The following ERC1 variants were observed in gnomAD, a reference collection of about 807,000 sequenced individuals.
The protein encoded by ERC1 is RAB6 interacting protein 2.
A neutral mutation model predicts 132.0 loss-of-function variants in ERC1; 56 were observed. The ratio of observed to expected loss-of-function variants is 0.42; its 90% CI spans 0.34 to 0.53. The LOEUF (loss-of-function observed/expected upper bound fraction) is 0.53. Among genes scored for constraint, ERC1 ranks in the 20% least tolerant of loss-of-function variants. The pLI, the probability that ERC1 is intolerant of heterozygous loss-of-function variation, is 0.03. For missense variants in ERC1, 1,202 were observed against 1,349.9 expected (o/e 0.89, Z 1.72); for synonymous variants, 478 against 476.1 (o/e 1.00, Z -0.05).
chr12:1,222,475 A>C (rs757032242), intron 12 of ERC1, among the ~76,000 whole-genome samples: 6 of 152,082 alleles, frequency 3.9e-5, no homozygotes, highest in Non-Finnish European at 7.4e-5. Context: ...TTGTCCCCCC[A>C]AAGTGCTGGG....
intron 14 of ERC1, among the ~76,000 whole-genome samples, chr12:1,287,654 C>G (rs1487659676): frequency 2.6e-5 from 4 of 152,148 alleles, no homozygotes; most frequent in Non-Finnish European, 4.4e-5. Flanking sequence ...CAGACTGAAA[C>G]CCTGGCTCTT....
At chr12:1,314,171 T>C (rs1464911040) in intron 15 of ERC1, among the ~76,000 whole-genome samples, 1 of 152,160 alleles carries the variant, frequency 6.6e-6, no homozygotes, top group Non-Finnish European at 1.5e-5. Context: ...ATTCATTTAC[T>C]ATAAAGCCTT....
At chr12:1,177,382 A>G (rs1953855864) in intron 8 of ERC1, among the ~76,000 whole-genome samples, 1 of 152,186 alleles carries the variant, frequency 6.6e-6, no homozygotes, top group Non-Finnish European at 1.5e-5. Flanking sequence ...TGCATGTAGC[A>G]TTTGACTTAA....
At chr12:1,189,279 C>T (rs188491605) in intron 11 of ERC1, among the ~76,000 whole-genome samples, 1 of 152,156 alleles carries the variant, frequency 6.6e-6, no homozygotes, top group Non-Finnish European at 1.5e-5. Flanking sequence ...TTCTCTAATC[C>T]TTGCATGAGG....
rs2088084521 is a variant in ERC1 at position 1,377,467 on chromosome 12, CATG to C, written c.2925+5493_2925+5495del. Reference sequence around the variant, plus strand: ...CCATCCCTATTAGAATGCCAGTTACCATGATAACACGATTCAATGCTCTGTCCA... The same window carrying C: ...CCATCCCTATTAGAATGCCAGTTACCATAACACGATTCAATGCTCTGTCCA... On this transcript the variant is annotated intron_variant, in intron 16 of 18. Coordinates refer to ENST00000360905, the MANE Select transcript of ERC1 (RefSeq NM_178040.4). 7.9e-5 allele frequency among the ~76,000 whole-genome samples: 12 copies of C among 152,320 alleles called. 1 individual carries two copies. In the South Asian group the frequency reaches 2.5e-3, roughly 32 times the overall value.
chr12:1,440,249 G>A (rs2093069705), intron 17 of ERC1, among the ~76,000 whole-genome samples: 1 of 137,322 alleles, frequency 7.3e-6, no homozygotes, highest in African/African-American at 2.9e-5. Context: ...CTGTCGCCCA[G>A]GCTGGAGTGC....
At chr12:1,343,725 C>T (rs2084143953) in intron 15 of ERC1, among the ~76,000 whole-genome samples, 1 of 152,162 alleles carries the variant, frequency 6.6e-6, no homozygotes, top group African/African-American at 2.4e-5. Context: ...AAAGATTAAA[C>T]ACATCATATA....
At chr12:1,410,210 A>C (rs2091762536) in intron 17 of ERC1, among the ~76,000 whole-genome samples, 1 of 152,258 alleles carries the variant, frequency 6.6e-6, no homozygotes, top group Non-Finnish European at 1.5e-5. Context: ...ACCTGCAGAT[A>C]CAGAGGACCA....
intron 15 of ERC1, among the ~76,000 whole-genome samples, chr12:1,340,167 A>G (rs114525156): frequency 1.8e-3 from 271 of 152,246 alleles, no homozygotes; most frequent in African/African-American, 6.2e-3. Context: ...GGGGTACCCA[A>G]GGCTATCCTG....
chr12:1,191,162 T>C (rs528499614), intron 12 of ERC1, among the ~76,000 whole-genome samples: 3 of 152,292 alleles, frequency 2.0e-5, no homozygotes, highest in African/African-American at 7.2e-5. Context: ...GTATTAACTC[T>C]ACTCATTTTG....
intron 7 of ERC1, among the ~76,000 whole-genome samples, chr12:1,123,249 A>T (rs1032164162): frequency 6.6e-6 from 1 of 152,228 alleles, no homozygotes; most frequent in Admixed American, 6.5e-5. Flanking sequence ...AATGGAATGT[A>T]TAAGTTTCAA....
intron 15 of ERC1, among the ~76,000 whole-genome samples, chr12:1,342,990 T>C (rs1243163156): frequency 2.0e-5 from 3 of 152,230 alleles, no homozygotes; most frequent in African/African-American, 7.2e-5. Flanking sequence ...AGTATCTATG[T>C]TATCTGCCTT....
chr12:1,442,746 C>T (rs986139781), intron 17 of ERC1, among the ~76,000 whole-genome samples: 5 of 152,014 alleles, frequency 3.3e-5, no homozygotes, highest in East Asian at 1.9e-4. Flanking sequence ...AACATAGTTT[C>T]GGTCATATAT....
intron 18 of ERC1, among the ~76,000 whole-genome samples, chr12:1,469,120 A>C (rs997190590): frequency 2.0e-5 from 3 of 152,194 alleles, no homozygotes; most frequent in African/African-American, 7.2e-5. Flanking sequence ...TCTTGCAGGG[A>C]GAAAAAGGAA....
chr12:1,226,499 A>T lies in ERC1; in HGVS notation c.2352-10270A>T, dbSNP rs537047976. ...ACAGTATTATTAATTATAGTCTACCATGCTGTACACTGGATCTTCAGAACT... is the reference window on the plus strand; with the variant it reads ...ACAGTATTATTAATTATAGTCTACCTTGCTGTACACTGGATCTTCAGAACT... On this transcript the variant is annotated intron_variant, in intron 12 of 18. Coordinates refer to ENST00000360905, the MANE Select transcript of ERC1 (RefSeq NM_178040.4). Among the ~76,000 whole-genome samples, 34 of 152,280 alleles carry T rather than the reference A, an allele frequency of 2.2e-4. 1 individual carries two copies. The South Asian group carries it at 6.2e-3, about 28-fold the overall frequency.
At chr12:1,118,439 G>C (rs1593411987) in intron 7 of ERC1, among the ~76,000 whole-genome samples, 1 of 152,174 alleles carries the variant, frequency 6.6e-6, no homozygotes, top group Non-Finnish European at 1.5e-5. Context: ...AGAATAGATT[G>C]TATTTATTGT....
At chr12:1,416,829 CAG>C (rs1022729242) in intron 17 of ERC1, among the ~76,000 whole-genome samples, 3 of 152,092 alleles carry the variant, frequency 2.0e-5, no homozygotes, top group African/African-American at 7.3e-5. Context: ...GCCCTTAAAA[CAG>C]AACAATGCTT....
At chr12:1,008,443 A>T (rs1200811888) in intron 1 of ERC1, among the ~76,000 whole-genome samples, 3 of 151,932 alleles carry the variant, frequency 2.0e-5, no homozygotes, top group African/African-American at 7.3e-5. Context: ...TATTTACATA[A>T]TTTTTTTTAA....
rs1555194875 is a variant in ERC1 at position 1,007,540 on chromosome 12, C to CTCTCTGTGTGTGTGTG, written c.-157+16219_-157+16220insCTCTGTGTGTGTGTGT. Among the ~76,000 whole-genome samples the CTCTCTGTGTGTGTGTG allele has an allele frequency of 5.9e-3, 723 of 122,750 alleles. 7 individuals carry two copies. Among genetic ancestry groups the CTCTCTGTGTGTGTGTG allele is most frequent in the African/African-American group, 0.016 (429 of 26,502 alleles). 80.5% of individuals were successfully genotyped at this position (122,750 alleles called of 152,430 possible). On this transcript the variant is annotated intron_variant, in intron 1 of 18. Transcript: ENST00000360905. ...ATTCTCTCTCTCTCTCTCTCTCTCT[C>CTCTCTGTGTGTGTGTG]TGTGTGTGTGTGTGTGTGTGTGTGT...
Sources: gnomAD v4.1 joint callset for allele counts (sites outside exome capture counted in the v4.1 genomes callset) on GRCh38, gnomAD v4.1.1 for gene constraint, MANE v1.5 for transcripts, NCBI Gene and HGNC (gene_info 2026-07-23, HGNC 2026-07-21) for gene names.